FRMD4B: variants seen among roughly 807,000 people sequenced by gnomAD.
The protein encoded by FRMD4B is FERM domain containing 4B.
A neutral mutation model predicts 141.5 loss-of-function variants in FRMD4B; 74 were observed. The ratio of observed to expected loss-of-function variants is 0.52; its 90% confidence interval spans 0.43 to 0.63. FRMD4B has a LOEUF of 0.63. Ranked by LOEUF, FRMD4B falls within the 30% of genes least tolerant of loss-of-function variation. FRMD4B has a pLI of 0.00. For missense variants in FRMD4B, 1,366 were observed against 1,253.4 expected (o/e 1.09, Z -1.36); for synonymous variants, 506 against 467.9 (o/e 1.08, Z -1.05).
intron 7 of FRMD4B, among the ~76,000 whole-genome samples, chr3:69,240,055 AAC>A (rs375091705): frequency 5.5e-4 from 81 of 147,952 alleles, no homozygotes; most frequent in Middle Eastern, 3.5e-3. Context: ...CTCTGTCTCA[AAC>A]ACACACACAC....
chr3:69,513,173 A>T (rs1035862101), intron 1 of FRMD4B, among the ~76,000 whole-genome samples: 1 of 152,138 alleles, frequency 6.6e-6, no homozygotes, highest in African/African-American at 2.4e-5. Context: ...AGATGAACTA[A>T]GAAAAAAAGA....
intron 11 of FRMD4B, among the ~76,000 whole-genome samples, chr3:69,205,069 A>AAAAAAAAAAAAG (rs1553700711): frequency 2.6e-5 from 4 of 151,228 alleles, no homozygotes; most frequent in South Asian, 4.2e-4. Context: ...CAAAAAAAAA[A>AAAAAAAAAAAAG]AAAAAGAAAA....
At chr3:69,188,453 T>A (rs921334607) in intron 18 of FRMD4B, among the ~76,000 whole-genome samples, 1 of 152,138 alleles carries the variant, frequency 6.6e-6, no homozygotes. Flanking sequence ...CATGAAGAAT[T>A]CTGCAGTGGT....
chr3:69,357,824 CTCCTAAATTTAGTGAGGTT>C (rs1703367664), intron 1 of FRMD4B, among the ~76,000 whole-genome samples: 1 of 152,174 alleles, frequency 6.6e-6, no homozygotes, highest in Non-Finnish European at 1.5e-5. Context: ...AGCTCATCTC[CTCCTAAATTTAGTGAGGTT>C]TGCACTAAAG....
At chr3:69,448,768 G>GA (rs1559530381) in intron 1 of FRMD4B, among the ~76,000 whole-genome samples, 1 of 151,978 alleles carries the variant, frequency 6.6e-6, no homozygotes, top group Admixed American at 6.5e-5. Context: ...ATGCAACCTG[G>GA]AAAAAAATTA....
At chr3:69,200,094 T>C (rs1007578196) in intron 11 of FRMD4B, among the ~76,000 whole-genome samples, 2 of 152,216 alleles carry the variant, frequency 1.3e-5, no homozygotes, top group African/African-American at 2.4e-5. Context: ...TTCTCTGCAA[T>C]GCACTATCAG....
intron 5 of FRMD4B, among the ~76,000 whole-genome samples, chr3:69,277,144 T>A (rs2093621571): frequency 6.6e-6 from 1 of 152,182 alleles, no homozygotes; most frequent in Admixed American, 6.5e-5. Flanking sequence ...TTACTAATGT[T>A]TGGCTCACTT....
At chr3:69,196,439 C>G in intron 13 of FRMD4B, 43 bp from the exon 14 acceptor site, 1 of 1,467,776 alleles carries the variant, frequency 6.8e-7, no homozygotes, top group Non-Finnish European at 9.4e-7. Context: ...CTCAAACATA[C>G]TTCAAATTAA....
chr3:69,500,688 C>T (rs1205893393), intron 1 of FRMD4B, among the ~76,000 whole-genome samples: 1 of 151,720 alleles, frequency 6.6e-6, no homozygotes, highest in African/African-American at 2.4e-5. Context: ...AGAGAAGGCC[C>T]CCCCACCCCC....
intron 5 of FRMD4B, 138 bp downstream of exon 5, chr3:69,287,614 G>C (rs745440947): frequency 1.6e-6 from 1 of 640,572 alleles, no homozygotes; most frequent in Non-Finnish European, 2.8e-6. Context: ...TAGTTGGGGG[G>C]TAGGACATAT....
In FRMD4B at chr3:69,171,178, C is replaced by G. The variant is rs529174723; in HGVS notation, c.*683G>C. Reference sequence around the variant, plus strand: ...ATTATTCAGTGGGCTGCTTCATTTTCCCCAATCTGCTACCATAAGTTATAT... The same window carrying G: ...ATTATTCAGTGGGCTGCTTCATTTTGCCCAATCTGCTACCATAAGTTATAT... On this transcript the variant is annotated 3_prime_UTR_variant, in exon 23 of 23. Coordinates refer to ENST00000398540, the MANE Select transcript of FRMD4B (RefSeq NM_015123.3). 18 of 152,232 alleles carry G rather than the reference C, an allele frequency of 1.2e-4. No individual in the cohort carries two copies. The highest frequency in any genetic ancestry group is 4.1e-4 in the African/African-American group (17 of 41,536). 9.4% of individuals were successfully genotyped at this position (152,232 alleles called of 1,614,324 possible). A position where few individuals can be genotyped will look rare whatever the true frequency, so the allele number is the denominator to read the frequency against.
intron 1 of FRMD4B, among the ~76,000 whole-genome samples, chr3:69,494,887 C>A (rs961015447): frequency 1.4e-5 from 2 of 146,692 alleles, no homozygotes; most frequent in South Asian, 2.2e-4. Context: ...AGTGAAACTC[C>A]GTCCAAAAAA....
At position 69,189,916 on chromosome 3, in the gene FRMD4B, T is replaced by C. The variant is rs768002488; in HGVS notation, c.1751A>G (p.Asp584Gly). 20 of 1,601,030 alleles carry C rather than the reference T, an allele frequency of 1.2e-5. No individual in the cohort carries two copies. The highest frequency in any genetic ancestry group is 2.7e-5 in the African/African-American group (2 of 74,670). The change falls in exon 18 of 23, where the codon GAC (aspartate) becomes GGC (glycine). Residue 584 changes from aspartate to glycine, a missense_variant. Transcript: ENST00000398540. ...IIPSESSSLS[D>G]TTTYDDPSDA... ...CTTACGATCATCATAGGTGGTGGTG[T>C]CAGACAAAGAGCTACTCTCTGAGGG...
chr3:69,283,468 C>A (rs1438625084), intron 5 of FRMD4B, among the ~76,000 whole-genome samples: 3 of 150,388 alleles, frequency 2.0e-5, no homozygotes, highest in African/African-American at 4.9e-5. Flanking sequence ...CTCCTAGCAA[C>A]TGACATTCAT....
intron 5 of FRMD4B, among the ~76,000 whole-genome samples, chr3:69,250,988 T>C (rs1015939208): frequency 1.3e-5 from 2 of 152,160 alleles, no homozygotes; most frequent in African/African-American, 4.8e-5. Flanking sequence ...AGAAAGGGTA[T>C]AGCTCTATCA....
At chr3:69,198,806 T>C (rs763526835) in intron 11 of FRMD4B, 32 bp from the exon 12 acceptor site, 16 of 1,044,834 alleles carry the variant, frequency 1.5e-5, no homozygotes, top group Non-Finnish European at 2.3e-5. Context: ...GGAAGTATTA[T>C]TTATGCTTAT....
At chr3:69,242,850 C>G (rs1030346488) in intron 7 of FRMD4B, among the ~76,000 whole-genome samples, 1 of 151,620 alleles carries the variant, frequency 6.6e-6, no homozygotes, top group Non-Finnish European at 1.5e-5. Context: ...AAAAATTAGC[C>G]GGGCGTGGTG....
chr3:69,267,725 C>T (rs567769410), intron 5 of FRMD4B, among the ~76,000 whole-genome samples: 3 of 148,346 alleles, frequency 2.0e-5, no homozygotes, highest in Non-Finnish European at 3.0e-5. Context: ...CTCTGCCTCC[C>T]GGGTTCAAGT....
intron 1 of FRMD4B, among the ~76,000 whole-genome samples, chr3:69,316,192 G>A (rs1266009416): frequency 1.3e-5 from 2 of 152,208 alleles, no homozygotes; most frequent in Admixed American, 1.3e-4. Context: ...AACCACTGAG[G>A]TAGTGCTAAG....
Sources: allele counts gnomAD v4.1 joint callset (sites outside exome capture counted in the v4.1 genomes callset), GRCh38; gene constraint gnomAD v4.1.1; transcripts MANE v1.5; gene names NCBI Gene and HGNC (gene_info 2026-07-23, HGNC 2026-07-21).